Variants in MTSS2 observed in about 807,000 individuals in gnomAD.
MTSS2 encodes the protein MTSS I-BAR domain containing 2, also known as protein MTSS 2.
A neutral mutation model predicts 67.1 loss-of-function variants in MTSS2; 27 were observed. The ratio of observed to expected loss-of-function variants is 0.40; its 90% CI spans 0.30 to 0.55. The LOEUF (loss-of-function observed/expected upper bound fraction) is 0.55. MTSS2 is among the 20% of genes least tolerant of loss of function. The pLI is 0.43. For synonymous variants in MTSS2, 624 were observed against 468.6 expected (o/e 1.33, Z -4.28); for missense variants, 1,171 against 1,067.8 (o/e 1.10, Z -1.35).
intron 11 of MTSS2, among the ~76,000 whole-genome samples, chr16:70,668,151 G>A (rs1039704734): frequency 3.3e-5 from 5 of 151,884 alleles, no homozygotes; most frequent in African/African-American, 4.8e-5. Context: ...AGTGGCTAAT[G>A]CCTATAATCC....
In MTSS2 at chr16:70,663,626, C is replaced by G. The variant is rs1298949180; in HGVS notation, c.*51G>C. On this transcript the variant is annotated 3_prime_UTR_variant, in exon 15 of 15. Coordinates refer to ENST00000338779, the MANE Select transcript of MTSS2 (RefSeq NM_138383.3). ...GCTCTGAGTGCCTGCGGCTCACAGA[C>G]CAGGCCACCTGCTCGCACTGGGGCC... The G allele has an allele frequency of 6.7e-7, 1 of 1,500,054 alleles. No homozygotes were observed. The highest frequency in any genetic ancestry group is 2.3e-5 in the Admixed American group (1 of 44,168). The allele number at this position is 1,500,054 out of a possible 1,614,324, so 92.9% of individuals were successfully genotyped here.
At position 70,679,883 on chromosome 16, in the gene MTSS2, G is replaced by A; in HGVS notation, c.291-6C>T. ...TGAGGCTCTCCAGCAGTGCGCTGCG[G>A]AGGGCGGGCGGGAGCGCAGGTCAGG... On this transcript the variant is annotated splice_polypyrimidine_tract_variant and splice_region_variant and intron_variant, in intron 4 of 14. Transcript: ENST00000338779. 1.3e-6 allele frequency: 2 copies of A among 1,594,288 alleles called. No homozygotes were observed. The highest frequency in any genetic ancestry group is 2.2e-5 in the South Asian group (2 of 89,916).
intron 11 of MTSS2, among the ~76,000 whole-genome samples, chr16:70,669,323 T>C (rs1011187771): frequency 2.6e-4 from 39 of 152,286 alleles, no homozygotes; most frequent in Middle Eastern, 3.4e-3. Context: ...GATAATCCAG[T>C]AGAAAAATGG....
rs1189843567 is a variant in MTSS2, at chr16:70,662,397, C to T, written c.*1280G>A. On this transcript the variant is annotated 3_prime_UTR_variant, in exon 15 of 15. Coordinates refer to ENST00000338779, the MANE Select transcript of MTSS2 (RefSeq NM_138383.3). ...GTGGGGTGGGGGCAGCCTTGCCCCT[C>T]CCCTTGCCCCCGCTGCCACCACGAG... 6.6e-6 allele frequency: 1 copy of T among 152,298 alleles called. No individual in the cohort carries two copies. The highest frequency in any genetic ancestry group is 1.5e-5 in the Non-Finnish European group (1 of 68,122). The allele number at this position is 152,298 out of a possible 1,614,324, so 9.4% of individuals were successfully genotyped here. A position where few individuals can be genotyped will look rare whatever the true frequency, so the allele number is the denominator to read the frequency against.
chr16:70,663,035 C>CCCA lies in MTSS2; in HGVS notation c.*641_*642insTGG, dbSNP rs71151201. The CCCA allele has an allele frequency of 2.0e-5, 3 of 151,614 alleles. No homozygotes were observed. The highest frequency in any genetic ancestry group is 4.9e-5 in the African/African-American group (2 of 40,854). The allele number at this position is 151,614 out of a possible 1,614,324, so 9.4% of individuals were successfully genotyped here. ...ACAGGGCCCCCAAGACCCCCCCCCC[C>CCCA]AAGCAGCCCCTGGTTTCCTCCCTGA... On this transcript the variant is annotated 3_prime_UTR_variant, in exon 15 of 15. Transcript: ENST00000338779.
At chr16:70,678,549 A>G in intron 7 of MTSS2, 140 bp from the exon 8 acceptor site, 1 of 946,372 alleles carries the variant, frequency 1.1e-6, no homozygotes, top group African/African-American at 1.7e-5. Context: ...TGCGGAGGGC[A>G]GTGAGGACTC....
At chr16:70,684,306 C>T (rs2142943153) in intron 1 of MTSS2, among the ~76,000 whole-genome samples, 1 of 152,028 alleles carries the variant, frequency 6.6e-6, no homozygotes, top group South Asian at 2.1e-4. Context: ...CTGCTGGGGG[C>T]CAGCGGAGGG....
chr16:70,670,308 C>T (rs2052885117), intron 11 of MTSS2, among the ~76,000 whole-genome samples: 1 of 152,092 alleles, frequency 6.6e-6, no homozygotes, highest in African/African-American at 2.4e-5. Flanking sequence ...AAACACTGTC[C>T]TAATCTTGCT....
chr16:70,670,395 C>T (rs1396799437), intron 11 of MTSS2, among the ~76,000 whole-genome samples: 1 of 152,198 alleles, frequency 6.6e-6, no homozygotes, highest in Non-Finnish European at 1.5e-5. Context: ...GTGCATATCC[C>T]ATGACTTTGC....
intron 3 of MTSS2, 101 bp downstream of exon 3, chr16:70,680,693 C>A (rs1368501535): frequency 6.6e-6 from 7 of 1,062,756 alleles, no homozygotes; most frequent in African/African-American, 4.7e-5. Flanking sequence ...AGGTTCTGGG[C>A]TTGGCGTCCC....
chr16:70,684,176 G>T (rs1160812578), intron 1 of MTSS2, among the ~76,000 whole-genome samples: 1 of 152,202 alleles, frequency 6.6e-6, no homozygotes, highest in East Asian at 1.9e-4. Context: ...GGGTGGTGGG[G>T]TGCGGGAAGG....
At chr16:70,680,918 G>GGGCCCCCCC in intron 2 of MTSS2, 46 bp downstream of exon 2, 7 of 1,094,652 alleles carry the variant, frequency 6.4e-6, no homozygotes, top group Non-Finnish European at 9.4e-6. Context: ...CGGGGGGGGG[G>GGGCCCCCCC]CCTCTGCCTG....
At chr16:70,667,399 T>C (rs755285607) in intron 11 of MTSS2, among the ~76,000 whole-genome samples, 7 of 151,460 alleles carry the variant, frequency 4.6e-5, no homozygotes, top group Non-Finnish European at 8.8e-5. Context: ...ACAAGATTAT[T>C]AGAACAAAAT....
At chr16:70,674,209 AG>A in intron 11 of MTSS2, 96 bp downstream of exon 11, 2 of 934,034 alleles carry the variant, frequency 2.1e-6, no homozygotes, top group Non-Finnish European at 3.0e-6. Flanking sequence ...CAGCTATAGT[AG>A]TCTCAACAGC....
At chr16:70,667,097 C>A (rs184146123) in intron 11 of MTSS2, among the ~76,000 whole-genome samples, 43 of 152,008 alleles carry the variant, frequency 2.8e-4, no homozygotes, top group African/African-American at 9.9e-4. Context: ...CATAGTGAGA[C>A]CCCTGACTCT....
Position 70,674,426 on chromosome 16 carries a change from C to T in MTSS2, c.933G>A (p.Ala311=), listed in dbSNP as rs539780323. The change falls in exon 11 of 15, where the codon GCG becomes GCA. Residue 311 remains alanine, a synonymous_variant. Coordinates refer to ENST00000338779, the MANE Select transcript of MTSS2 (RefSeq NM_138383.3). ...GGCGAGCGGTGGTGGTGGCTGGCTG[C>T]GCCAGGCTGCGGTAGCGACAGGTGG... ...PSSTCRYRSL[A]QPATTTARLS... 1.0e-4 allele frequency: 162 copies of T among 1,614,126 alleles called. 1 individual carries two copies. The South Asian group carries it at 1.4e-3, about 13-fold the overall frequency.
chr16:70,665,812 C>T (rs546895990), intron 11 of MTSS2: 18 of 325,850 alleles, frequency 5.5e-5, no homozygotes, highest in East Asian at 4.9e-4. Flanking sequence ...TCACTGCTGA[C>T]GGCCTGGATA....
chr16:70,662,208 C>T lies in MTSS2; in HGVS notation c.*1469G>A, dbSNP rs1014507054. The T allele has an allele frequency of 6.8e-4, 101 of 148,982 alleles. No individual in the cohort carries two copies. The highest frequency in any genetic ancestry group is 2.4e-3 in the African/African-American group (97 of 41,126). 9.2% of individuals were successfully genotyped at this position (148,982 alleles called of 1,614,324 possible). On this transcript the variant is annotated 3_prime_UTR_variant, in exon 15 of 15. Transcript: ENST00000338779. Reference sequence around the variant, plus strand: ...CCATTCTATCAATCAATCAATCAATCATCAAGACCAAGGTGCTCCTGACCC... The same window carrying T: ...CCATTCTATCAATCAATCAATCAATTATCAAGACCAAGGTGCTCCTGACCC...
chr16:70,678,495 ATC>A, intron 7 of MTSS2, 86 bp from the exon 8 acceptor site: 1 of 1,484,160 alleles, frequency 6.7e-7, no homozygotes, highest in Non-Finnish European at 9.0e-7. Context: ...TGGTGGTGGC[ATC>A]TCTCGGCCGT....
Sources: allele counts gnomAD v4.1 joint callset (sites outside exome capture counted in the v4.1 genomes callset), GRCh38; gene constraint gnomAD v4.1.1; transcripts MANE v1.5; gene names NCBI Gene and HGNC (gene_info 2026-07-23, HGNC 2026-07-21).